KCNN3: variants seen among roughly 807,000 people sequenced by gnomAD.
The protein encoded by KCNN3 is small conductance calcium-activated potassium channel protein 3.
Under a neutral mutation model 62.9 loss-of-function variants are expected in KCNN3, and 16 were observed. The ratio of observed to expected loss-of-function variants is 0.25; its 90% CI spans 0.17 to 0.39. The LOEUF is 0.39. Among genes scored for constraint, KCNN3 ranks in the 10% least tolerant of loss-of-function variants. The pLI is 1.00. For missense variants in KCNN3, 599 were observed against 949.4 expected (o/e 0.63, Z 4.85); for synonymous variants, 370 against 389.2 (o/e 0.95, Z 0.58).
intron 5 of KCNN3, among the ~76,000 whole-genome samples, chr1:154,724,359 C>T (rs375414985): frequency 2.0e-5 from 3 of 152,316 alleles, no homozygotes; most frequent in African/African-American, 7.2e-5. Flanking sequence ...TGAATATTTT[C>T]TCTAGCTTTC....
chr1:154,737,704 G>A (rs759846788), intron 3 of KCNN3, among the ~76,000 whole-genome samples: 1 of 152,110 alleles, frequency 6.6e-6, no homozygotes, highest in Non-Finnish European at 1.5e-5. Flanking sequence ...AGAGGGGCTG[G>A]AAGATGATAA....
chr1:154,825,169 C>T (rs1310786323), intron 1 of KCNN3, among the ~76,000 whole-genome samples: 1 of 152,110 alleles, frequency 6.6e-6, no homozygotes, highest in Admixed American at 6.5e-5. Flanking sequence ...CCATACATCC[C>T]AGGATAGGGT....
intron 7 of KCNN3, among the ~76,000 whole-genome samples, chr1:154,710,904 A>G (rs976541680): frequency 6.6e-6 from 1 of 152,188 alleles, no homozygotes; most frequent in Admixed American, 6.5e-5. Flanking sequence ...GGGACTGTAA[A>G]CTAGTTCAAC....
intron 5 of KCNN3, among the ~76,000 whole-genome samples, chr1:154,722,285 G>A (rs1700366890): frequency 6.6e-6 from 1 of 151,700 alleles, no homozygotes; most frequent in Non-Finnish European, 1.5e-5. Flanking sequence ...TCTACTAATT[G>A]CCCACTCCGA....
At chr1:154,822,975 G>A (rs904219809) in intron 1 of KCNN3, among the ~76,000 whole-genome samples, 1 of 152,222 alleles carries the variant, frequency 6.6e-6, no homozygotes, top group African/African-American at 2.4e-5. Flanking sequence ...AGGGCTACCT[G>A]ACCTTGGAAC....
At chr1:154,815,783 C>G (rs1233799521) in intron 2 of KCNN3, among the ~76,000 whole-genome samples, 1 of 152,206 alleles carries the variant, frequency 6.6e-6, no homozygotes, top group African/African-American at 2.4e-5. Context: ...GTGACTTGAG[C>G]CTGCTTTCTT....
At chr1:154,821,381 G>A (rs1014030987) in intron 2 of KCNN3, among the ~76,000 whole-genome samples, 4 of 152,182 alleles carry the variant, frequency 2.6e-5, no homozygotes, top group Admixed American at 1.3e-4. Flanking sequence ...GGGGCTGGGG[G>A]AAGCTCATTG....
chr1:154,811,878 A>G (rs1416974663), intron 2 of KCNN3, among the ~76,000 whole-genome samples: 2 of 152,250 alleles, frequency 1.3e-5, no homozygotes, highest in Non-Finnish European at 2.9e-5. Flanking sequence ...CAGAGAGTCA[A>G]TGATCCTTAC....
intron 2 of KCNN3, among the ~76,000 whole-genome samples, chr1:154,779,943 C>T (rs1164666320): frequency 1.3e-5 from 2 of 152,134 alleles, no homozygotes; most frequent in African/African-American, 2.4e-5. Flanking sequence ...TAGAGTGTCT[C>T]GCCAAGCAAA....
chr1:154,847,266 G>A (rs903756977), intron 1 of KCNN3, among the ~76,000 whole-genome samples: 4 of 151,990 alleles, frequency 2.6e-5, no homozygotes, highest in African/African-American at 9.7e-5. Flanking sequence ...GGAAGGGGCA[G>A]AGCCAGCGTG....
At chr1:154,774,189 C>A (rs1338959049) in intron 2 of KCNN3, among the ~76,000 whole-genome samples, 1 of 152,130 alleles carries the variant, frequency 6.6e-6, no homozygotes, top group Non-Finnish European at 1.5e-5. Context: ...TTATTTGTAG[C>A]ATTATTAATG....
intron 3 of KCNN3, among the ~76,000 whole-genome samples, chr1:154,740,110 A>G (rs1214385241): frequency 6.6e-6 from 1 of 152,224 alleles, no homozygotes; most frequent in Non-Finnish European, 1.5e-5. Flanking sequence ...TGTTCAACAT[A>G]TATATTATAT....
rs139597657 is a variant in KCNN3, at chr1:154,865,457, G to C, written c.933+3575C>G. On this transcript the variant is annotated intron_variant, in intron 1 of 7. Transcript: ENST00000271915. ...CTCTGCCGTTTGATCTCATGTCCCA[G>C]GCATAATAATGAGAAGCTCTCCTCT... Among the ~76,000 whole-genome samples the C allele has an allele frequency of 1.1e-4, 16 of 152,242 alleles. No individual in the cohort carries two copies. In the East Asian group the frequency reaches 3.1e-3, roughly 29 times the overall value.
At chr1:154,815,259 T>C (rs11264265) in intron 2 of KCNN3, among the ~76,000 whole-genome samples, 49,134 of 152,122 alleles carry the variant, frequency 0.32, 8,130 homozygotes, top group East Asian at 0.43. Flanking sequence ...ATGGGGACTC[T>C]AGCCCCTACC....
chr1:154,726,589 G>C (rs1479349014), intron 4 of KCNN3, among the ~76,000 whole-genome samples: 2 of 152,238 alleles, frequency 1.3e-5, no homozygotes, highest in Non-Finnish European at 2.9e-5. Context: ...GGGCACCCAG[G>C]TTGGCACGAA....
Position 154,828,197 on chromosome 1 carries a change from G to A in KCNN3, c.934-6013C>T, listed in dbSNP as rs150776379. ...CATAGTGAATGCCTGGCCTGGACAAGTTGCTTCCTTCTCCTAAGCCTCAGC... is the reference window on the plus strand; with the variant it reads ...CATAGTGAATGCCTGGCCTGGACAAATTGCTTCCTTCTCCTAAGCCTCAGC... On this transcript the variant is annotated intron_variant, in intron 1 of 7. Coordinates refer to ENST00000271915, the MANE Select transcript of KCNN3 (RefSeq NM_002249.6). Among the ~76,000 whole-genome samples, 81 of 150,460 alleles carry A rather than the reference G, an allele frequency of 5.4e-4. No individual in the cohort carries two copies. In the Middle Eastern group the frequency reaches 0.02, roughly 38 times the overall value.
At chr1:154,784,152 G>A (rs938054565) in intron 2 of KCNN3, among the ~76,000 whole-genome samples, 7 of 152,068 alleles carry the variant, frequency 4.6e-5, no homozygotes, top group African/African-American at 7.3e-5. Flanking sequence ...AAGTGACCCC[G>A]GCCAATCCTT....
At chr1:154,725,298 A>G (rs1441230034) in intron 5 of KCNN3, among the ~76,000 whole-genome samples, 1 of 152,228 alleles carries the variant, frequency 6.6e-6, no homozygotes, top group Non-Finnish European at 1.5e-5. Flanking sequence ...AACAAAAAAC[A>G]TTGCCTCATA....
chr1:154,822,858 C>T (rs1204423933), intron 1 of KCNN3, among the ~76,000 whole-genome samples: 1 of 152,188 alleles, frequency 6.6e-6, no homozygotes, highest in Non-Finnish European at 1.5e-5. Flanking sequence ...CCGTGGCCTC[C>T]ACTGCAGCCT....
Sources: gnomAD v4.1 joint callset for allele counts (sites outside exome capture counted in the v4.1 genomes callset) on GRCh38, gnomAD v4.1.1 for gene constraint, MANE v1.5 for transcripts, NCBI Gene and HGNC (gene_info 2026-07-23, HGNC 2026-07-21) for gene names.